The following LINGO1 variants were observed in gnomAD, a reference collection of about 807,000 sequenced individuals.
The protein encoded by LINGO1 is leucine-rich repeat and immunoglobulin-like domain-containing nogo receptor-interacting protein 1.
In LINGO1, 11 loss-of-function variants were observed where a neutral mutation model predicts 37.3. The observed-to-expected ratio is 0.29, with a 90% confidence interval of 0.19 to 0.49. The LOEUF (loss-of-function observed/expected upper bound fraction) is 0.49, where lower values mean the gene tolerates loss of function less well. Among genes scored for constraint, LINGO1 ranks in the 20% least tolerant of loss-of-function variants. The probability of loss-of-function intolerance (pLI) is 0.99; values close to 1 mark genes in which losing one functional copy is unlikely to be tolerated. For missense variants in LINGO1, 585 were observed against 878.2 expected (o/e 0.67, Z 4.22); for synonymous variants, 387 against 403.0 (o/e 0.96, Z 0.48).
At chr15:77,778,596 ATTCT>A (rs1476914669) in intron 1 of LINGO1, among the ~76,000 whole-genome samples, 2 of 152,116 alleles carry the variant, frequency 1.3e-5, no homozygotes, top group East Asian at 3.9e-4. Flanking sequence ...TGTGGGGCCA[ATTCT>A]TTCTCTCATC....
intron 1 of LINGO1, among the ~76,000 whole-genome samples, chr15:77,759,676 G>C (rs2076455074): frequency 6.6e-6 from 1 of 152,230 alleles, no homozygotes; most frequent in South Asian, 2.1e-4. Flanking sequence ...TGAGAAAGGA[G>C]ACCACATTAG....
Position 77,614,885 on chromosome 15 carries a change from T to C in LINGO1, c.1022A>G (p.Asn341Ser), listed in dbSNP as rs2073645727. 6.8e-6 allele frequency: 11 copies of C among 1,613,884 alleles called. No individual in the cohort carries two copies. The highest frequency in any genetic ancestry group is 8.5e-6 in the Non-Finnish European group (10 of 1,179,878). ...TGTGGTCAGCTGGTTGCCAGAGACA[T>C]TGAGCACGCGCAGGTAGTTGAGGCC... ...FRGLNYLRVL[N>S]VSGNQLTTLE... Residue 341 changes from asparagine to serine, a missense_variant, in exon 2 of 2, where the codon AAT (asparagine) becomes AGT (serine). Around this residue, in one of 4 missense-constraint regions of LINGO1, gnomAD observed 484 missense variants for 735.0 expected, o/e 0.66. Transcript: ENST00000355300.
intron 1 of LINGO1, among the ~76,000 whole-genome samples, chr15:77,798,435 C>T (rs892854067): frequency 9.2e-5 from 14 of 152,240 alleles, no homozygotes; most frequent in Admixed American, 5.2e-4. Flanking sequence ...TCCGGGCCCC[C>T]GGCTGCCATG....
chr15:77,667,868 A>G (rs2075167613), intron 3 of LINGO1: 1 of 152,258 alleles, frequency 6.6e-6, no homozygotes, highest in South Asian at 2.1e-4. Flanking sequence ...GGCATCCTCC[A>G]GCTGGATTCA....
chr15:77,665,391 G>A (rs2075107801), intron 3 of LINGO1, among the ~76,000 whole-genome samples: 2 of 152,184 alleles, frequency 1.3e-5, no homozygotes, highest in African/African-American at 4.8e-5. Context: ...CTAGAGGGCA[G>A]TGGGAACCTC....
chr15:77,699,771 T>TCACCTGCACACAGTAAG (rs1567532365), upstream of LINGO1, among the ~76,000 whole-genome samples: 4 of 89,016 alleles, frequency 4.5e-5, no homozygotes, highest in Non-Finnish European at 1.0e-4. Context: ...ATACTAACCA[T>TCACCTGCACACAGTAAG]CATTCCCCCC....
intron 1 of LINGO1, among the ~76,000 whole-genome samples, chr15:77,805,954 C>T (rs1024598688): frequency 1.3e-5 from 2 of 152,134 alleles, no homozygotes; most frequent in African/African-American, 4.8e-5. Context: ...GATACCTGAC[C>T]CCACCCGGGG....
At chr15:77,819,606 C>T (rs2077081299) in intron 1 of LINGO1, 1 of 151,426 alleles carries the variant, frequency 6.6e-6, no homozygotes, top group African/African-American at 2.4e-5. Context: ...GCGCGCACAC[C>T]CGGCTCCGCA....
chr15:77,638,506 T>C (rs1379911015), upstream of LINGO1, among the ~76,000 whole-genome samples: 1 of 152,272 alleles, frequency 6.6e-6, no homozygotes, highest in Non-Finnish European at 1.5e-5. Context: ...CTGGCTCGGC[T>C]GTCCCCATGG....
chr15:77,726,477 AC>A (rs1372086897), intron 2 of LINGO1, among the ~76,000 whole-genome samples: 1 of 152,192 alleles, frequency 6.6e-6, no homozygotes, highest in Non-Finnish European at 1.5e-5. Flanking sequence ...AGATATCAAG[AC>A]CCTGCACAAG....
chr15:77,810,192 C>T (rs1468457608), intron 1 of LINGO1, among the ~76,000 whole-genome samples: 1 of 151,884 alleles, frequency 6.6e-6, no homozygotes, highest in African/African-American at 2.4e-5. Flanking sequence ...CAGCTCTTCT[C>T]CTCTCGGGTA....
chr15:77,721,732 C>A (rs189359152), intron 2 of LINGO1, among the ~76,000 whole-genome samples: 1 of 152,294 alleles, frequency 6.6e-6, no homozygotes, highest in African/African-American at 2.4e-5. Flanking sequence ...GCACCTCCTG[C>A]ATAGCGTTGG....
At chr15:77,623,260 C>T (rs1338497866) in intron 1 of LINGO1, among the ~76,000 whole-genome samples, 1 of 152,180 alleles carries the variant, frequency 6.6e-6, no homozygotes, top group African/African-American at 2.4e-5. Flanking sequence ...GGCATTTCCA[C>T]AAAGGGAACA....
chr15:77,632,711 G>A lies in LINGO1; in HGVS notation c.-396C>T, dbSNP rs1198354781. Among the ~76,000 whole-genome samples, 1 of 145,584 alleles carries A rather than the reference G, an allele frequency of 6.9e-6. No homozygotes were observed. Among genetic ancestry groups the A allele is most frequent in the Non-Finnish European group, 1.5e-5 (1 of 65,592 alleles). On this transcript the variant is annotated 5_prime_UTR_variant, in exon 1 of 2. Coordinates refer to ENST00000355300, the MANE Select transcript of LINGO1 (RefSeq NM_032808.7). This position sits in a 1 kb window ranked among gnomAD's most constrained non-coding sequence, Gnocchi z 6.0. ...TCCGCCGCGGGGCCGGGGCCGGCGG[G>A]CAGCGGCCGCGCATGCTGCTCGGCG...
intron 1 of LINGO1, among the ~76,000 whole-genome samples, chr15:77,809,107 G>A (rs554892186): frequency 2.8e-4 from 42 of 152,330 alleles, no homozygotes; most frequent in Admixed American, 1.6e-3. Context: ...CTCCAAGAAC[G>A]CTGGTAAGCC....
At chr15:77,755,584 T>A (rs1463588814) in intron 1 of LINGO1, among the ~76,000 whole-genome samples, 2 of 152,212 alleles carry the variant, frequency 1.3e-5, no homozygotes, top group Non-Finnish European at 2.9e-5. Flanking sequence ...CTGCCTGCAC[T>A]GTAGGGGCTT....
intron 2 of LINGO1, among the ~76,000 whole-genome samples, chr15:77,682,830 C>T (rs548657812): frequency 2.6e-5 from 4 of 152,204 alleles, no homozygotes; most frequent in African/African-American, 9.6e-5. Flanking sequence ...GCCCAGGAAG[C>T]CTCGCCAGGC....
chr15:77,619,128 G>A (rs1006254606), intron 1 of LINGO1, among the ~76,000 whole-genome samples: 2 of 131,342 alleles, frequency 1.5e-5, no homozygotes, highest in Non-Finnish European at 3.2e-5. Context: ...TCAGCATTTG[G>A]CATCTCTCCT....
At chr15:77,677,812 TCCCTCCTCCCTCCA>T (rs2075353075) in intron 2 of LINGO1, among the ~76,000 whole-genome samples, 2 of 151,856 alleles carry the variant, frequency 1.3e-5, no homozygotes, top group Non-Finnish European at 1.5e-5. Flanking sequence ...TCTCCCTTCC[TCCCTCCTCCCTCCA>T]CCCTCCTCCC....
Sources: gnomAD v4.1 joint callset for allele counts (sites outside exome capture counted in the v4.1 genomes callset) on GRCh38, gnomAD v4.1.1 for gene constraint, gnomAD v4.1.1 regional missense constraint, Gnocchi (gnomAD v3.1) non-coding constraint, MANE v1.5 for transcripts, NCBI Gene and HGNC (gene_info 2026-07-23, HGNC 2026-07-21) for gene names.